NAALADL2: variants seen among roughly 807,000 people sequenced by gnomAD.
NAALADL2 encodes the protein inactive N-acetylated-alpha-linked acidic dipeptidase-like protein 2.
In NAALADL2, 76 loss-of-function variants were observed where a neutral mutation model predicts 87.2. The observed-to-expected ratio is 0.87, with a 90% CI of 0.72 to 1.05. The LOEUF is 1.05. Among genes scored for constraint, NAALADL2 ranks in the 50% least tolerant of loss-of-function variants. The probability of loss-of-function intolerance (pLI) is 0.00; values close to 1 mark genes in which losing one functional copy is unlikely to be tolerated. For missense variants in NAALADL2, 1,089 were observed against 945.8 expected (o/e 1.15, Z -1.99); for synonymous variants, 354 against 331.0 (o/e 1.07, Z -0.75).
chr3:175,652,501 T>C lies in NAALADL2; in HGVS notation c.1896+25115T>C, dbSNP rs547690157. On this transcript the variant is annotated intron_variant, in intron 11 of 13. Coordinates refer to ENST00000454872, the MANE Select transcript of NAALADL2 (RefSeq NM_207015.3). ...TTTCTTTTTTTTTTTTTTTTTGAGA[T>C]GGAGTCTCGCTCTGTCGCCCAGGCT... Among the ~76,000 whole-genome samples, 24 of 144,058 alleles carry C rather than the reference T, an allele frequency of 1.7e-4. No individual in the cohort carries two copies. In the East Asian group the frequency reaches 3.2e-3, roughly 19 times the overall value. 94.5% of individuals were successfully genotyped at this position (144,058 alleles called of 152,430 possible). A position where few individuals can be genotyped will look rare whatever the true frequency, so the allele number is the denominator to read the frequency against.
chr3:174,696,701 AT>A (rs1578579294), intron 2 of NAALADL2, among the ~76,000 whole-genome samples: 1 of 151,340 alleles, frequency 6.6e-6, no homozygotes, highest in African/African-American at 2.4e-5. Flanking sequence ...TGTTGTATGC[AT>A]TTTTTGCTTT....
At chr3:175,333,371 G>A (rs73184765) in intron 5 of NAALADL2, among the ~76,000 whole-genome samples, 7,672 of 152,232 alleles carry the variant, frequency 0.05, 242 homozygotes, top group Non-Finnish European at 0.071. Context: ...CTGTAGGTAG[G>A]TGGCTAGGGA....
At chr3:174,776,361 A>G (rs1715212131) in intron 3 of NAALADL2, among the ~76,000 whole-genome samples, 2 of 152,272 alleles carry the variant, frequency 1.3e-5, no homozygotes, top group Admixed American at 6.5e-5. Flanking sequence ...CAGCACACTC[A>G]TCCAGCAGTG....
chr3:175,222,243 G>A (rs1238437984), intron 2 of NAALADL2, among the ~76,000 whole-genome samples: 2 of 152,070 alleles, frequency 1.3e-5, no homozygotes, highest in East Asian at 1.9e-4. Context: ...ATATTCAATA[G>A]GTACTTGTTG....
Position 174,893,312 on chromosome 3 carries a change from C to A in NAALADL2, c.43+33862C>A, listed in dbSNP as rs900871658. Among the ~76,000 whole-genome samples, 99 of 131,492 alleles carry A rather than the reference C, an allele frequency of 7.5e-4. 1 individual carries two copies. The highest frequency in any genetic ancestry group is 3.2e-3 in the Admixed American group (43 of 13,326). The allele number at this position is 131,492 out of a possible 152,430, so 86.3% of individuals were successfully genotyped here. A position where few individuals can be genotyped will look rare whatever the true frequency, so the allele number is the denominator to read the frequency against. On this transcript the variant is annotated intron_variant, in intron 1 of 13. Coordinates refer to ENST00000454872, the MANE Select transcript of NAALADL2 (RefSeq NM_207015.3). ...GAAATATCAAAGGGAGTACTTCAAC[C>A]CCCCCCCGCAAAAAGTTATTATTGA...
intron 13 of NAALADL2, among the ~76,000 whole-genome samples, chr3:175,787,977 G>A (rs111976302): frequency 0.033 from 5,024 of 151,824 alleles, 106 homozygotes; most frequent in South Asian, 0.067. Context: ...TAATAGTAAT[G>A]TCCTAGGGCT....
chr3:175,729,089 T>G (rs1049648311), intron 11 of NAALADL2, among the ~76,000 whole-genome samples: 1 of 152,168 alleles, frequency 6.6e-6, no homozygotes, highest in Non-Finnish European at 1.5e-5. Context: ...TAGAAAATGG[T>G]GCTTTCTAAG....
At chr3:175,233,334 T>A (rs1745281806) in intron 2 of NAALADL2, among the ~76,000 whole-genome samples, 1 of 152,210 alleles carries the variant, frequency 6.6e-6, no homozygotes, top group Non-Finnish European at 1.5e-5. Flanking sequence ...ATTATGTTGA[T>A]GTTGATAGAA....
intron 2 of NAALADL2, among the ~76,000 whole-genome samples, chr3:174,674,234 C>G (rs183361205): frequency 6.6e-6 from 1 of 151,944 alleles, no homozygotes; most frequent in East Asian, 1.9e-4. Flanking sequence ...CACTCATCAC[C>G]AAGGGGATAG....
intron 4 of NAALADL2, among the ~76,000 whole-genome samples, chr3:175,257,538 T>C (rs1351791688): frequency 2.0e-5 from 3 of 152,074 alleles, no homozygotes; most frequent in Non-Finnish European, 2.9e-5. Flanking sequence ...AATAATCATA[T>C]TTTAACCCAG....
chr3:174,883,833 T>C (rs2109736207), intron 1 of NAALADL2, among the ~76,000 whole-genome samples: 1 of 152,268 alleles, frequency 6.6e-6, no homozygotes, highest in South Asian at 2.1e-4. Context: ...CCTGTCTGGA[T>C]TGGGCTGTTG....
At chr3:175,621,549 A>G (rs993235856) in intron 10 of NAALADL2, among the ~76,000 whole-genome samples, 1 of 152,206 alleles carries the variant, frequency 6.6e-6, no homozygotes, top group African/African-American at 2.4e-5. Context: ...AAAATTCTCC[A>G]TGCGGAAATA....
intron 2 of NAALADL2, among the ~76,000 whole-genome samples, chr3:174,670,648 T>G (rs1415101214): frequency 6.6e-6 from 1 of 152,078 alleles, no homozygotes; most frequent in Non-Finnish European, 1.5e-5. Context: ...CAATCTTGAT[T>G]TTTCTATGAA....
At chr3:175,643,265 A>G (rs910953426) in intron 11 of NAALADL2, among the ~76,000 whole-genome samples, 3 of 152,176 alleles carry the variant, frequency 2.0e-5, no homozygotes, top group African/African-American at 7.2e-5. Context: ...TTGTTTACCT[A>G]TTGTTCTACT....
intron 10 of NAALADL2, among the ~76,000 whole-genome samples, chr3:175,591,782 GTGTATATATATATATATATATATA>G (rs1373338684): frequency 4.9e-5 from 1 of 20,526 alleles, no homozygotes; most frequent in Non-Finnish European, 1.1e-4. Context: ...GTGTGTGTGT[GTGTATATATATATATATATATATA>G]TATATATATA....
At chr3:175,382,971 TATTA>T (rs1767959815) in intron 5 of NAALADL2, among the ~76,000 whole-genome samples, 1 of 152,134 alleles carries the variant, frequency 6.6e-6, no homozygotes, top group Admixed American at 6.5e-5. Flanking sequence ...ATTATACTTT[TATTA>T]ATTTATTCAA....
At chr3:175,669,462 G>A (rs1466782829) in intron 11 of NAALADL2, among the ~76,000 whole-genome samples, 1 of 151,902 alleles carries the variant, frequency 6.6e-6, no homozygotes, top group African/African-American at 2.4e-5. Flanking sequence ...ATTCATTGAA[G>A]AAAAAATTTG....
intron 5 of NAALADL2, among the ~76,000 whole-genome samples, chr3:175,417,960 C>T (rs1581797810): frequency 6.6e-6 from 1 of 152,088 alleles, no homozygotes; most frequent in East Asian, 1.9e-4. Flanking sequence ...GCTTGATTGA[C>T]ATTGGGAATG....
chr3:175,136,113 AG>A (rs1416144533), intron 2 of NAALADL2, among the ~76,000 whole-genome samples: 1 of 152,160 alleles, frequency 6.6e-6, no homozygotes, highest in African/African-American at 2.4e-5. Context: ...AGATAAGGTG[AG>A]ATAGTAAGGC....
Sources: allele counts gnomAD v4.1 joint callset (sites outside exome capture counted in the v4.1 genomes callset), GRCh38; gene constraint gnomAD v4.1.1; transcripts MANE v1.5; gene names NCBI Gene and HGNC (gene_info 2026-07-23, HGNC 2026-07-21).